The following PTPRA variants were observed in gnomAD, a reference collection of about 807,000 sequenced individuals.
PTPRA encodes the protein receptor-type tyrosine-protein phosphatase alpha.
Under a neutral mutation model 104.8 loss-of-function variants are expected in PTPRA, and 25 were observed. That is an observed-to-expected ratio of 0.24 (90% CI 0.17 to 0.33). PTPRA has a LOEUF of 0.33. PTPRA is among the 10% of genes least tolerant of loss of function. The pLI, the probability that PTPRA is intolerant of heterozygous loss-of-function variation, is 1.00. For synonymous variants in PTPRA, 323 were observed against 368.9 expected (o/e 0.88, Z 1.43); for missense variants, 765 against 1,015.3 (o/e 0.75, Z 3.35).
At chr20:2,970,901 C>T (rs1452104618) in intron 5 of PTPRA, among the ~76,000 whole-genome samples, 1 of 152,106 alleles carries the variant, frequency 6.6e-6, no homozygotes, top group Admixed American at 6.5e-5. Flanking sequence ...AAATATCTAA[C>T]TTGTCCCAAT....
chr20:2,882,306 T>C (rs1304202314), intron 1 of PTPRA, among the ~76,000 whole-genome samples: 1 of 151,624 alleles, frequency 6.6e-6, no homozygotes, highest in African/African-American at 2.4e-5. Flanking sequence ...CTTTTTTTTT[T>C]TTTGAGACAG....
Position 2,988,489 on chromosome 20 carries a change from G to A in PTPRA, c.738+15G>A. The A allele has an allele frequency of 1.2e-6, 2 of 1,610,924 alleles. No individual in the cohort carries two copies. Among genetic ancestry groups the A allele is most frequent in the Non-Finnish European group, 1.7e-6 (2 of 1,179,330 alleles). ...AGGAATTCAACGTGAGTACTTTGTTGAGGCTGGTGTATCAGCAGGGAAGAA... is the reference window on the plus strand; with the variant it reads ...AGGAATTCAACGTGAGTACTTTGTTAAGGCTGGTGTATCAGCAGGGAAGAA... On this transcript the variant is annotated intron_variant, in intron 9 of 23. Coordinates refer to ENST00000399903, the MANE Select transcript of PTPRA (RefSeq NM_001385305.1).
intron 1 of PTPRA, among the ~76,000 whole-genome samples, chr20:2,895,534 T>G (rs2058965322): frequency 6.6e-6 from 1 of 152,098 alleles, no homozygotes; most frequent in African/African-American, 2.4e-5. Context: ...TTATTTTTTT[T>G]GAGACAGAGT....
chr20:3,032,660 G>A (rs1451025430), intron 20 of PTPRA, among the ~76,000 whole-genome samples: 7 of 151,926 alleles, frequency 4.6e-5, no homozygotes, highest in Non-Finnish European at 5.9e-5. Flanking sequence ...CAGCTACTCG[G>A]GAGGCTGAGG....
At chr20:2,948,135 G>T (rs1370044575) in intron 3 of PTPRA, 111 bp downstream of exon 3, 3 of 448,486 alleles carry the variant, frequency 6.7e-6, no homozygotes, top group Non-Finnish European at 1.2e-5. Flanking sequence ...ATCTGGGGTG[G>T]GGGTGCATAG....
chr20:2,993,911 T>TGACA (rs1308533568), intron 9 of PTPRA, among the ~76,000 whole-genome samples: 7 of 152,286 alleles, frequency 4.6e-5, no homozygotes, highest in African/African-American at 1.7e-4. Flanking sequence ...TTGGAGGCCC[T>TGACA]GACAGACAGG....
intron 22 of PTPRA, among the ~76,000 whole-genome samples, chr20:3,036,936 G>A (rs1213304642): frequency 1.3e-5 from 2 of 152,144 alleles, no homozygotes; most frequent in Non-Finnish European, 2.9e-5. Flanking sequence ...CGTCCCCCAC[G>A]GTCCAACAGG....
chr20:2,915,142 T>A (rs1395339543), intron 1 of PTPRA, among the ~76,000 whole-genome samples: 1 of 152,074 alleles, frequency 6.6e-6, no homozygotes, highest in Non-Finnish European at 1.5e-5. Flanking sequence ...CAGTGGCTAT[T>A]CACATAGGCC....
At chr20:2,884,328 G>A (rs781737630) in intron 1 of PTPRA, among the ~76,000 whole-genome samples, 2 of 152,062 alleles carry the variant, frequency 1.3e-5, no homozygotes, top group Non-Finnish European at 2.9e-5. Context: ...TTTGTAAAGT[G>A]ACTACCCATT....
chr20:2,870,594 G>A (rs1013472728), upstream of PTPRA, among the ~76,000 whole-genome samples: 4 of 152,236 alleles, frequency 2.6e-5, no homozygotes, highest in African/African-American at 9.6e-5. Flanking sequence ...GCTGTGTCCA[G>A]CACATGGTCT....
intron 1 of PTPRA, among the ~76,000 whole-genome samples, chr20:2,910,296 TTA>T (rs1240253964): frequency 3.3e-5 from 4 of 121,100 alleles, no homozygotes; most frequent in East Asian, 4.8e-4. Context: ...ATAATATGTA[TTA>T]TATATTTTAT....
intron 6 of PTPRA, among the ~76,000 whole-genome samples, chr20:2,982,920 G>A (rs888994911): frequency 6.6e-6 from 1 of 151,026 alleles, no homozygotes; most frequent in Admixed American, 6.8e-5. Context: ...AGCTGGTCTC[G>A]AATTCTTGAC....
chr20:3,031,228 CAT>C (rs2065438150), intron 20 of PTPRA, among the ~76,000 whole-genome samples: 2 of 151,894 alleles, frequency 1.3e-5, no homozygotes, highest in Admixed American at 1.3e-4. Context: ...TCATAAGAGA[CAT>C]AAGACATAAG....
intron 7 of PTPRA, 128 bp downstream of exon 7, chr20:2,986,977 A>T: frequency 1.2e-6 from 1 of 827,740 alleles, no homozygotes; most frequent in Non-Finnish European, 2.0e-6. Context: ...ATGACCCATG[A>T]TAGTGCTAAA....
intron 2 of PTPRA, among the ~76,000 whole-genome samples, chr20:2,935,716 T>A (rs1380247945): frequency 6.6e-6 from 1 of 152,198 alleles, no homozygotes; most frequent in African/African-American, 2.4e-5. Flanking sequence ...AGCTAATTTT[T>A]AAAAATTGTT....
chr20:3,002,322 A>ATT (rs5839983), intron 9 of PTPRA, among the ~76,000 whole-genome samples: 1,350 of 116,884 alleles, frequency 0.012, 38 homozygotes, highest in African/African-American at 0.032. Flanking sequence ...AAATGTAGTA[A>ATT]TTTTTTTTTT....
chr20:2,909,717 C>T (rs540685877), intron 1 of PTPRA, among the ~76,000 whole-genome samples: 199 of 142,028 alleles, frequency 1.4e-3, no homozygotes, highest in African/African-American at 4.9e-3. Flanking sequence ...ATAATTTTTC[C>T]GTTTCACTTA....
At chr20:2,984,850 C>T (rs1026432121) in intron 6 of PTPRA, among the ~76,000 whole-genome samples, 8 of 152,096 alleles carry the variant, frequency 5.3e-5, no homozygotes, top group Admixed American at 1.3e-4. Context: ...GTTCACTTCA[C>T]GTTATTTAGA....
At chr20:2,866,756 G>C in the PTPRA span, 1 of 928,614 alleles carries the variant, frequency 1.1e-6, no homozygotes, top group East Asian at 2.7e-5. Context: ...ACACAGTCCA[G>C]CCTAAGCAAA....
Sources: allele counts gnomAD v4.1 joint callset (sites outside exome capture counted in the v4.1 genomes callset), GRCh38; gene constraint gnomAD v4.1.1; transcripts MANE v1.5; gene names NCBI Gene and HGNC (gene_info 2026-07-23, HGNC 2026-07-21).